The following LRRC4C variants were observed in gnomAD, a reference collection of about 807,000 sequenced individuals.
LRRC4C encodes leucine-rich repeat-containing protein 4C.
LRRC4C carries 5 observed loss-of-function variants against 33.6 expected under a neutral mutation model. The observed-to-expected ratio is 0.15, with a 90% CI of 0.08 to 0.31. LRRC4C has a LOEUF of 0.31. LRRC4C is among the 10% of genes least tolerant of loss of function. The probability of loss-of-function intolerance (pLI) is 1.00; values close to 1 mark genes in which losing one functional copy is unlikely to be tolerated. For missense variants in LRRC4C, 560 were observed against 796.7 expected (o/e 0.70, Z 3.58); for synonymous variants, 329 against 302.0 (o/e 1.09, Z -0.93).
intron 5 of LRRC4C, among the ~76,000 whole-genome samples, chr11:40,174,583 G>T (rs1302884025): frequency 1.3e-5 from 2 of 152,072 alleles, no homozygotes; most frequent in Non-Finnish European, 2.9e-5. Context: ...TTTCTGCATC[G>T]AACCATATTT....
chr11:40,750,686 G>A (rs1259964387), intron 2 of LRRC4C, among the ~76,000 whole-genome samples: 1 of 150,210 alleles, frequency 6.7e-6, no homozygotes, highest in African/African-American at 2.4e-5. Context: ...ACAGCATTAG[G>A]AGATATACCT....
At chr11:40,906,706 CTCTG>C (rs1301501119) in intron 2 of LRRC4C, among the ~76,000 whole-genome samples, 6 of 151,748 alleles carry the variant, frequency 4.0e-5, no homozygotes, top group East Asian at 3.9e-4. Context: ...CTCTCTCTCT[CTCTG>C]TGTGTGTGTG....
At chr11:40,939,819 C>A (rs1364207811) in intron 1 of LRRC4C, among the ~76,000 whole-genome samples, 1 of 152,150 alleles carries the variant, frequency 6.6e-6, no homozygotes, top group African/African-American at 2.4e-5. Context: ...TCCAACTCAG[C>A]TTCCTTTGTT....
chr11:41,003,670 G>A (rs1024126086), intron 1 of LRRC4C, among the ~76,000 whole-genome samples: 2 of 151,292 alleles, frequency 1.3e-5, no homozygotes, highest in Admixed American at 1.3e-4. Context: ...TTAGGTTTGT[G>A]AATAGTTTCA....
chr11:41,236,981 T>C (rs977227847), intron 1 of LRRC4C, among the ~76,000 whole-genome samples: 3 of 152,236 alleles, frequency 2.0e-5, no homozygotes, highest in Non-Finnish European at 4.4e-5. Context: ...AAGCACATGC[T>C]TTCTATTTTG....
intron 1 of LRRC4C, among the ~76,000 whole-genome samples, chr11:41,413,181 C>A (rs1174782092): frequency 6.6e-6 from 1 of 152,072 alleles, no homozygotes; most frequent in Non-Finnish European, 1.5e-5. Context: ...TACAACTGTT[C>A]ATACAAGGAA....
intron 1 of LRRC4C, among the ~76,000 whole-genome samples, chr11:40,979,662 C>G (rs989517667): frequency 5.3e-5 from 8 of 152,140 alleles, no homozygotes; most frequent in Non-Finnish European, 1.2e-4. Context: ...GGTAAAGTTT[C>G]TAAGAAACCA....
chr11:40,868,467 A>T (rs907194604), intron 2 of LRRC4C, among the ~76,000 whole-genome samples: 1 of 152,156 alleles, frequency 6.6e-6, no homozygotes, highest in Non-Finnish European at 1.5e-5. Flanking sequence ...TGCCATTTTT[A>T]GATGAGTCAG....
intron 1 of LRRC4C, among the ~76,000 whole-genome samples, chr11:41,438,066 TA>T (rs923258329): frequency 3.3e-5 from 5 of 150,058 alleles, no homozygotes; most frequent in African/African-American, 1.2e-4. Context: ...AATAAATAAA[TA>T]AATAATAAAA....
intron 2 of LRRC4C, among the ~76,000 whole-genome samples, chr11:40,658,154 G>A (rs1375786850): frequency 6.6e-6 from 1 of 152,162 alleles, no homozygotes; most frequent in Non-Finnish European, 1.5e-5. Context: ...TCCCTTATAT[G>A]TGTCCTTTAT....
intron 3 of LRRC4C, among the ~76,000 whole-genome samples, chr11:40,404,341 A>G (rs1225376526): frequency 6.6e-6 from 1 of 152,126 alleles, no homozygotes; most frequent in East Asian, 1.9e-4. Flanking sequence ...GAGCTAAATA[A>G]AGGTTTGTTA....
At chr11:41,031,727 A>C (rs1304849390) in intron 1 of LRRC4C, among the ~76,000 whole-genome samples, 1 of 152,014 alleles carries the variant, frequency 6.6e-6, no homozygotes, top group Non-Finnish European at 1.5e-5. Flanking sequence ...CAAAATTTGG[A>C]TTCAAATGCC....
At chr11:41,270,077 T>A (rs1024360413) in intron 1 of LRRC4C, among the ~76,000 whole-genome samples, 9 of 152,142 alleles carry the variant, frequency 5.9e-5, no homozygotes, top group African/African-American at 2.2e-4. Flanking sequence ...TATCTATTTT[T>A]ACAGAATATT....
intron 3 of LRRC4C, among the ~76,000 whole-genome samples, chr11:40,631,683 T>A (rs1412775329): frequency 6.6e-6 from 1 of 152,122 alleles, no homozygotes; most frequent in African/African-American, 2.4e-5. Flanking sequence ...ATTGGCAAAG[T>A]AGAATTAAAA....
chr11:40,380,167 C>T (rs939393734), intron 3 of LRRC4C, among the ~76,000 whole-genome samples: 7 of 152,070 alleles, frequency 4.6e-5, no homozygotes, highest in South Asian at 2.1e-4. Context: ...GGAGGCTATG[C>T]TTCAATTAAA....
chr11:41,290,074 C>T (rs1408895740), intron 1 of LRRC4C, among the ~76,000 whole-genome samples: 2 of 152,144 alleles, frequency 1.3e-5, no homozygotes, highest in Non-Finnish European at 2.9e-5. Flanking sequence ...GTGTTTTCCA[C>T]ACACATTTTA....
chr11:41,302,195 C>T (rs1379063676), intron 1 of LRRC4C, among the ~76,000 whole-genome samples: 2 of 152,070 alleles, frequency 1.3e-5, no homozygotes, highest in African/African-American at 4.8e-5. Context: ...TTGAAATAAG[C>T]ACATAATAGG....
intron 3 of LRRC4C, among the ~76,000 whole-genome samples, chr11:40,588,461 TG>T (rs1958870305): frequency 6.6e-6 from 1 of 151,896 alleles, no homozygotes; most frequent in Non-Finnish European, 1.5e-5. Context: ...AAGGGTTTTT[TG>T]TGTCTCTATT....
At chr11:41,084,585 A>G (rs1322478488) in intron 1 of LRRC4C, among the ~76,000 whole-genome samples, 2 of 152,180 alleles carry the variant, frequency 1.3e-5, no homozygotes, top group Non-Finnish European at 2.9e-5. Context: ...ACAGTGGCTC[A>G]CGCCTGTAAT....
Sources: gnomAD v4.1 joint callset for allele counts (sites outside exome capture counted in the v4.1 genomes callset) on GRCh38, gnomAD v4.1.1 for gene constraint, MANE v1.5 for transcripts, NCBI Gene and HGNC (gene_info 2026-07-23, HGNC 2026-07-21) for gene names.